Variants in ATP13A4 observed in about 807,000 individuals in gnomAD.
The protein encoded by ATP13A4 is ATPase 13A4, also known as probable cation-transporting ATPase 13A4.
In ATP13A4, 114 loss-of-function variants were observed where a neutral mutation model predicts 142.5. The ratio of observed to expected loss-of-function variants is 0.80; its 90% CI spans 0.69 to 0.93. The LOEUF is 0.93. ATP13A4 is among the 40% of genes least tolerant of loss of function. The pLI is 0.00. For missense variants in ATP13A4, 1,392 were observed against 1,454.0 expected (o/e 0.96, Z 0.69); for synonymous variants, 488 against 514.8 (o/e 0.95, Z 0.70).
chr3:193,487,239 G>GA (rs201008489), intron 7 of ATP13A4, among the ~76,000 whole-genome samples: 176 of 150,658 alleles, frequency 1.2e-3, no homozygotes, highest in African/African-American at 4.0e-3. Flanking sequence ...CGGTACTGGG[G>GA]AAAAAAAAAT....
intron 2 of ATP13A4, among the ~76,000 whole-genome samples, chr3:193,507,603 C>T (rs867989602): frequency 6.6e-6 from 1 of 152,048 alleles, no homozygotes; most frequent in Admixed American, 6.5e-5. Context: ...GTGTACAAAA[C>T]AAGGAAATCT....
At position 193,465,093 on chromosome 3, in the gene ATP13A4, G is replaced by T; in HGVS notation, c.1308C>A (p.Asp436Glu). ...CCGGAGGAACCGCAATTGTGATGACGTCAAGGGCTTTCCTCACCACCTCCT... is the reference window on the plus strand; with the variant it reads ...CCGGAGGAACCGCAATTGTGATGACTTCAAGGGCTTTCCTCACCACCTCCT... ...PPEEVVRKAL[D>E]VITIAVPPAL... The change falls in exon 12 of 30, where the codon GAC becomes GAA. Residue 436 changes from aspartate to glutamate, a missense_variant. Asp to Glu is a conservative substitution (Grantham distance 45, BLOSUM62 2). Transcript: ENST00000342695. 6.2e-7 allele frequency: 1 copy of T among 1,614,098 alleles called. No homozygotes were observed. The highest frequency in any genetic ancestry group is 8.5e-7 in the Non-Finnish European group (1 of 1,180,006).
intron 8 of ATP13A4, among the ~76,000 whole-genome samples, chr3:193,483,030 C>T (rs1216537127): frequency 2.0e-5 from 3 of 152,078 alleles, no homozygotes; most frequent in East Asian, 3.8e-4. Flanking sequence ...ACTAGTATGT[C>T]TATACACTGA....
intron 1 of ATP13A4, chr3:193,581,928 G>A (rs1386498119): frequency 1.3e-5 from 2 of 152,024 alleles, no homozygotes; most frequent in African/African-American, 2.4e-5. Flanking sequence ...AACATAAACC[G>A]AGAATGCATC....
intron 26 of ATP13A4, among the ~76,000 whole-genome samples, chr3:193,413,954 C>T (rs1352890991): frequency 1.3e-5 from 2 of 152,184 alleles, no homozygotes. Context: ...ACCCCCTCCC[C>T]TTTTGGAGTC....
At chr3:193,503,995 ATGTG>A (rs554927410) in intron 2 of ATP13A4, among the ~76,000 whole-genome samples, 4 of 136,088 alleles carry the variant, frequency 2.9e-5, no homozygotes, top group African/African-American at 5.6e-5. Flanking sequence ...TTCTGTGTGC[ATGTG>A]TGTGTGTGTG....
At chr3:193,545,800 T>C (rs1460572188) in intron 1 of ATP13A4, among the ~76,000 whole-genome samples, 1 of 152,146 alleles carries the variant, frequency 6.6e-6, no homozygotes, top group East Asian at 1.9e-4. Flanking sequence ...TATTTATGAG[T>C]AATTGACACA....
intron 10 of ATP13A4, among the ~76,000 whole-genome samples, chr3:193,466,974 T>A (rs938156539): frequency 1.3e-4 from 20 of 152,286 alleles, no homozygotes; most frequent in African/African-American, 4.8e-4. Flanking sequence ...GATCTACTAT[T>A]TGATAGTACA....
At chr3:193,557,186 T>C (rs1391137334), upstream of ATP13A4, among the ~76,000 whole-genome samples, 1 of 152,224 alleles carries the variant, frequency 6.6e-6, no homozygotes, top group African/African-American at 2.4e-5. Context: ...CAGGAAAATA[T>C]GTAAGTCCTT....
rs1304856091 is a variant in ATP13A4 at position 193,424,158 on chromosome 3, A to G, written c.2843-9408T>C. On this transcript the variant is annotated intron_variant, in intron 25 of 29. Coordinates refer to ENST00000342695, the MANE Select transcript of ATP13A4 (RefSeq NM_032279.4). ...AAATCTCTATACTGGAAACTATAAA[A>G]CACTGGTGAAAAAAAATGGAAGCTA... 2.8e-5 allele frequency among the ~76,000 whole-genome samples: 4 copies of G among 143,012 alleles called. 1 individual carries two copies. The highest frequency in any genetic ancestry group is 1.0e-4 in the African/African-American group (4 of 39,370). The allele number at this position is 143,012 out of a possible 152,430, so 93.8% of individuals were successfully genotyped here. A position where few individuals can be genotyped will look rare whatever the true frequency, so the allele number is the denominator to read the frequency against.
chr3:193,532,746 G>T (rs1182489726), intron 1 of ATP13A4, among the ~76,000 whole-genome samples: 1 of 152,046 alleles, frequency 6.6e-6, no homozygotes, highest in Non-Finnish European at 1.5e-5. Flanking sequence ...AAATTCTGTA[G>T]ATATTTTTAT....
At chr3:193,561,557 C>T (rs1724017314) in intron 2 of ATP13A4, among the ~76,000 whole-genome samples, 1 of 152,172 alleles carries the variant, frequency 6.6e-6, no homozygotes, top group African/African-American at 2.4e-5. Flanking sequence ...GTGTACTGTA[C>T]ATGTCGTTCA....
chr3:193,522,263 G>A (rs1478621475), intron 1 of ATP13A4, among the ~76,000 whole-genome samples: 1 of 152,220 alleles, frequency 6.6e-6, no homozygotes, highest in African/African-American at 2.4e-5. Flanking sequence ...CCTATCAGCT[G>A]CAGGCAGGAA....
intron 8 of ATP13A4, among the ~76,000 whole-genome samples, chr3:193,478,100 A>G (rs540638072): frequency 6.6e-6 from 1 of 152,188 alleles, no homozygotes; most frequent in East Asian, 1.9e-4. Context: ...TCAATTTTCC[A>G]TAAATGTATC....
chr3:193,423,895 T>A (rs1715521840), intron 25 of ATP13A4, among the ~76,000 whole-genome samples: 1 of 149,490 alleles, frequency 6.7e-6, no homozygotes, highest in South Asian at 2.1e-4. Context: ...TTGTCCCTGT[T>A]TGGTGGTGGC....
chr3:193,591,380 A>T (rs1724769178), intron 1 of ATP13A4, among the ~76,000 whole-genome samples: 1 of 152,228 alleles, frequency 6.6e-6, no homozygotes, highest in South Asian at 2.1e-4. Context: ...ACACTGTCTA[A>T]ACCAAACAAA....
intron 1 of ATP13A4, among the ~76,000 whole-genome samples, chr3:193,540,338 G>A (rs1324991901): frequency 6.6e-6 from 1 of 151,740 alleles, no homozygotes; most frequent in East Asian, 1.9e-4. Flanking sequence ...ATACTTCTCC[G>A]TGATGGTGAA....
At chr3:193,442,088 A>C (rs554347695) in intron 19 of ATP13A4, among the ~76,000 whole-genome samples, 25 of 152,280 alleles carry the variant, frequency 1.6e-4, no homozygotes, top group South Asian at 4.1e-4. Context: ...CTTAGAACCC[A>C]GTGGGGTGAT....
chr3:193,454,321 A>G (rs970391110), intron 16 of ATP13A4, 109 bp from the exon 17 acceptor site: 2 of 777,094 alleles, frequency 2.6e-6, no homozygotes, highest in East Asian at 5.2e-5. Flanking sequence ...ACACTTCTAC[A>G]AAGATATGTA....
Sources: allele counts gnomAD v4.1 joint callset (sites outside exome capture counted in the v4.1 genomes callset), GRCh38; gene constraint gnomAD v4.1.1; transcripts MANE v1.5; gene names NCBI Gene and HGNC (gene_info 2026-07-23, HGNC 2026-07-21).